Variants in NKAIN3 observed in about 807,000 individuals in gnomAD.
NKAIN3 encodes the protein sodium/potassium transporting ATPase interacting 3.
Under a neutral mutation model 30.2 loss-of-function variants are expected in NKAIN3, and 25 were observed. The observed-to-expected ratio is 0.83, with a 90% confidence interval of 0.60 to 1.16. The LOEUF (loss-of-function observed/expected upper bound fraction) is 1.16. Among genes scored for constraint, NKAIN3 ranks in the 50% most tolerant of loss-of-function variants. The pLI, the probability that NKAIN3 is intolerant of heterozygous loss-of-function variation, is 0.00. For synonymous variants in NKAIN3, 91 were observed against 89.6 expected (o/e 1.02, Z -0.09); for missense variants, 225 against 254.1 (o/e 0.89, Z 0.78).
At chr8:62,622,503 T>C (rs1386199504) in intron 3 of NKAIN3, among the ~76,000 whole-genome samples, 1 of 152,082 alleles carries the variant, frequency 6.6e-6, no homozygotes, top group Non-Finnish European at 1.5e-5. Context: ...TGATATTTCA[T>C]TGTGGCTTTA....
At chr8:62,726,025 T>C (rs1298768294) in intron 3 of NKAIN3, among the ~76,000 whole-genome samples, 2 of 152,046 alleles carry the variant, frequency 1.3e-5, no homozygotes, top group African/African-American at 4.8e-5. Flanking sequence ...TCTTTCAATG[T>C]TTTATAATTT....
intron 5 of NKAIN3, among the ~76,000 whole-genome samples, chr8:62,929,648 T>C (rs1378394494): frequency 6.6e-6 from 1 of 152,150 alleles, no homozygotes; most frequent in Non-Finnish European, 1.5e-5. Context: ...AAAATTCTAT[T>C]AATATCTACT....
In NKAIN3 at chr8:62,389,304, C is replaced by T. The variant is rs147634002; in HGVS notation, c.54+140177C>T. 6.3e-3 allele frequency among the ~76,000 whole-genome samples: 965 copies of T among 152,238 alleles called. 16 individuals carry two copies. The highest frequency in any genetic ancestry group is 0.022 in the African/African-American group (922 of 41,534). ...AAATCAGGTTAATTAGCATATTCATCGCCTCAAATATCTATCATTTATTTG... is the reference window on the plus strand; with the variant it reads ...AAATCAGGTTAATTAGCATATTCATTGCCTCAAATATCTATCATTTATTTG... On this transcript the variant is annotated intron_variant, in intron 1 of 6. Transcript: ENST00000623646.
At chr8:62,325,966 T>C (rs995848153) in intron 1 of NKAIN3, among the ~76,000 whole-genome samples, 1 of 152,106 alleles carries the variant, frequency 6.6e-6, no homozygotes, top group Non-Finnish European at 1.5e-5. Context: ...GTCTGTTTAC[T>C]CTATTGATTA....
At chr8:62,729,041 A>AAAACAAAAC (rs1361535669) in intron 3 of NKAIN3, among the ~76,000 whole-genome samples, 1 of 73,250 alleles carries the variant, frequency 1.4e-5, no homozygotes, top group African/African-American at 4.3e-5. Flanking sequence ...AAAAAAAAAC[A>AAAACAAAAC]AAAAAAAAAA....
chr8:62,413,525 T>A (rs1279809913), intron 1 of NKAIN3, among the ~76,000 whole-genome samples: 2 of 152,234 alleles, frequency 1.3e-5, no homozygotes, highest in African/African-American at 4.8e-5. Context: ...GTTCAATATA[T>A]TTTAAGGCAT....
chr8:62,548,691 G>A (rs1320812806), intron 1 of NKAIN3, among the ~76,000 whole-genome samples: 1 of 122,384 alleles, frequency 8.2e-6, no homozygotes, highest in Non-Finnish European at 1.8e-5. Context: ...ATTTTGTTAA[G>A]TAAAAAAGAG....
chr8:62,292,981 G>A (rs931676440), intron 1 of NKAIN3, among the ~76,000 whole-genome samples: 2 of 151,612 alleles, frequency 1.3e-5, no homozygotes, highest in Non-Finnish European at 2.9e-5. Flanking sequence ...TCATTCATTT[G>A]ATCTTCGGTC....
intron 4 of NKAIN3, chr8:62,855,847 C>A: frequency 2.5e-6 from 2 of 787,204 alleles, no homozygotes; most frequent in South Asian, 2.8e-5. Flanking sequence ...AATTTCTGGT[C>A]ATCCAACTCC....
In NKAIN3 at chr8:62,967,043, C is replaced by G. The variant is rs772252930; in HGVS notation, c.*1636C>G. The stretch of plus-strand genomic sequence containing the variant: ...ACTCACTAGCCTCCAGATTTTACCC[C>G]TTTAATCCATTGGTACCCACAAACT... On this transcript the variant is annotated 3_prime_UTR_variant, in exon 7 of 7. Coordinates refer to ENST00000623646, the MANE Select transcript of NKAIN3 (RefSeq NM_001304533.3). Among the ~76,000 whole-genome samples, 3 of 152,196 alleles carry G rather than the reference C, an allele frequency of 2.0e-5. No homozygotes were observed. The highest frequency in any genetic ancestry group is 4.4e-5 in the Non-Finnish European group (3 of 68,042).
chr8:62,667,500 CCTT>C (rs1359739227), intron 3 of NKAIN3, among the ~76,000 whole-genome samples: 2 of 151,292 alleles, frequency 1.3e-5, no homozygotes. Context: ...TCATTCTTAT[CCTT>C]CTTTTCTTAT....
Position 62,979,867 on chromosome 8 carries a change from C to A in NKAIN3, c.*14460C>A, listed in dbSNP as rs922238664. The A allele has an allele frequency of 6.6e-6, 1 of 152,290 alleles. No homozygotes were observed. Among genetic ancestry groups the A allele is most frequent in the African/African-American group, 2.4e-5 (1 of 41,478 alleles). 9.4% of individuals were successfully genotyped at this position (152,290 alleles called of 1,614,324 possible). A position where few individuals can be genotyped will look rare whatever the true frequency, so the allele number is the denominator to read the frequency against. On this transcript the variant is annotated 3_prime_UTR_variant, in exon 7 of 7. Coordinates refer to ENST00000623646, the MANE Select transcript of NKAIN3 (RefSeq NM_001304533.3). Reference sequence around the variant, plus strand: ...GACCCTGCTAATCAAGGCTACAGGGCAGCTGCAGAAAGACACCTGCTATTG... The same window carrying A: ...GACCCTGCTAATCAAGGCTACAGGGAAGCTGCAGAAAGACACCTGCTATTG...
chr8:62,357,638 A>G (rs1409024794), intron 1 of NKAIN3, among the ~76,000 whole-genome samples: 1 of 152,144 alleles, frequency 6.6e-6, no homozygotes, highest in East Asian at 1.9e-4. Context: ...TCAAAACGCA[A>G]GCCCATAAAA....
chr8:62,894,211 A>G (rs2130828527), intron 4 of NKAIN3, among the ~76,000 whole-genome samples: 1 of 152,286 alleles, frequency 6.6e-6, no homozygotes, highest in South Asian at 2.1e-4. Context: ...GCAAGACAGA[A>G]AATTAGGGTT....
At chr8:62,567,039 C>T (rs914464271) in intron 1 of NKAIN3, among the ~76,000 whole-genome samples, 9 of 152,012 alleles carry the variant, frequency 5.9e-5, no homozygotes, top group African/African-American at 9.7e-5. Flanking sequence ...ATAAGTACTT[C>T]TGTAGAGTTA....
chr8:62,995,456 C>G (rs1326806964), intron 5 of NKAIN3, among the ~76,000 whole-genome samples: 1 of 152,166 alleles, frequency 6.6e-6, no homozygotes, highest in Non-Finnish European at 1.5e-5. Flanking sequence ...TCAGCTGGTG[C>G]CTGAGAGGGA....
intron 6 of NKAIN3, among the ~76,000 whole-genome samples, chr8:62,958,215 G>A (rs997276536): frequency 6.6e-6 from 1 of 152,004 alleles, no homozygotes; most frequent in African/African-American, 2.4e-5. Flanking sequence ...AAGCAGAGCA[G>A]GTGTCTTGAC....
At chr8:62,379,798 A>G (rs1817212155) in intron 1 of NKAIN3, among the ~76,000 whole-genome samples, 1 of 152,164 alleles carries the variant, frequency 6.6e-6, no homozygotes, top group African/African-American at 2.4e-5. Context: ...TACACATAGG[A>G]AAAAGGAGCC....
chr8:62,358,701 G>C (rs1344325768), intron 1 of NKAIN3, among the ~76,000 whole-genome samples: 1 of 152,046 alleles, frequency 6.6e-6, no homozygotes, highest in African/African-American at 2.4e-5. Context: ...CGTGCTTTAA[G>C]CTCTAAGACC....
Sources: gnomAD v4.1 joint callset for allele counts (sites outside exome capture counted in the v4.1 genomes callset) on GRCh38, gnomAD v4.1.1 for gene constraint, MANE v1.5 for transcripts, NCBI Gene and HGNC (gene_info 2026-07-23, HGNC 2026-07-21) for gene names.